The following CLDN18 variants were observed in gnomAD, a reference collection of about 807,000 sequenced individuals.
CLDN18 encodes the protein claudin-18.
A neutral mutation model predicts 25.0 loss-of-function variants in CLDN18; 20 were observed. That is an observed-to-expected ratio of 0.80 (90% CI 0.56 to 1.16). CLDN18 has a LOEUF of 1.16. Ranked by LOEUF, CLDN18 falls within the 50% of genes most tolerant of loss-of-function variation. The probability of loss-of-function intolerance (pLI) is 0.00; values close to 1 mark genes in which losing one functional copy is unlikely to be tolerated. For synonymous variants in CLDN18, 125 were observed against 135.6 expected, an observed-to-expected ratio of 0.92 and a Z score of 0.54; for missense variants, 297 against 345.4, an observed-to-expected ratio of 0.86 and a Z score of 1.11.
chr3:138,021,124 T>C (rs1017267648), intron 1 of CLDN18, among the ~76,000 whole-genome samples: 1 of 152,216 alleles, frequency 6.6e-6, no homozygotes, highest in Non-Finnish European at 1.5e-5. Flanking sequence ...AATTCCTTAC[T>C]AGCTTTCACT....
intron 1 of CLDN18, chr3:137,999,113 T>A (rs1284541858): frequency 1.2e-6 from 2 of 1,602,690 alleles, no homozygotes; most frequent in Non-Finnish European, 1.7e-6. Flanking sequence ...TCTGGCTGGC[T>A]GGAGGGAGAG....
At chr3:138,020,510 C>G (rs1292694893) in intron 1 of CLDN18, among the ~76,000 whole-genome samples, 2 of 152,054 alleles carry the variant, frequency 1.3e-5, no homozygotes. Flanking sequence ...TCTCCTTTTT[C>G]AAAATTTCTC....
rs756927400 is a variant in CLDN18, at chr3:138,031,163, G to C, written c.*22G>C. The C allele has an allele frequency of 2.6e-6, 4 of 1,568,050 alleles. No individual in the cohort carries two copies. The highest frequency in any genetic ancestry group is 2.4e-5 in the South Asian group (2 of 84,742). ...GTAATGCTCTAAGACCTCTCAGCAC[G>C]GGCGGAAGAAACTCCCGGAGAGCTC... On this transcript the variant is annotated 3_prime_UTR_variant, in exon 5 of 5. Coordinates refer to ENST00000183605, the MANE Select transcript of CLDN18 (RefSeq NM_016369.4).
At position 138,031,354 on chromosome 3, in the gene CLDN18, G is replaced by C. The variant is rs75363623; in HGVS notation, c.*213G>C. On this transcript the variant is annotated 3_prime_UTR_variant, in exon 5 of 5. Coordinates refer to ENST00000183605, the MANE Select transcript of CLDN18 (RefSeq NM_016369.4). ...ACAGCTGAGTTATTTATGAATTAGA[G>C]GCTATAGCTCACATTTTCAATCCTC... 1 of 408,460 alleles carries C rather than the reference G, an allele frequency of 2.4e-6. No homozygotes were observed. Among genetic ancestry groups the C allele is most frequent in the African/African-American group, 2.0e-5 (1 of 49,236 alleles). 25.3% of individuals were successfully genotyped at this position (408,460 alleles called of 1,614,324 possible). A position where few individuals can be genotyped will look rare whatever the true frequency, so the allele number is the denominator to read the frequency against.
intron 1 of CLDN18, among the ~76,000 whole-genome samples, chr3:138,012,259 T>C (rs1377940410): frequency 2.0e-5 from 3 of 152,198 alleles, no homozygotes; most frequent in Admixed American, 2.0e-4. Context: ...ATCCTTCATC[T>C]CTATAGAATG....
rs763856935 is a variant in CLDN18, at chr3:138,010,355, T to TTCCA, written c.131_134dup (p.Gln45HisfsTer103). The TTCCA allele has an allele frequency of 6.2e-7, 1 of 1,614,242 alleles. No homozygotes were observed. Among genetic ancestry groups the TTCCA allele is most frequent in the Non-Finnish European group, 8.5e-7 (1 of 1,180,044 alleles). On this transcript the variant is annotated frameshift_variant, in exon 1 of 5. Coordinates refer to ENST00000183605, the MANE Select transcript of CLDN18 (RefSeq NM_016369.4). LOFTEE classifies it high-confidence loss of function. ...GTACGACAACCCCGTCACCTCCGTG[T>TTCCA]TCCAGTACGAAGGGCTCTGGAGGAG...
At chr3:138,024,567 T>G in intron 2 of CLDN18, 40 bp from the exon 3 acceptor site, 3 of 1,276,458 alleles carry the variant, frequency 2.4e-6, no homozygotes, top group Middle Eastern at 1.8e-4. Flanking sequence ...TTGTAATCCC[T>G]TGAAACTAAC....
chr3:138,008,764 A>G (rs1942096094), upstream of CLDN18, among the ~76,000 whole-genome samples: 2 of 151,822 alleles, frequency 1.3e-5, no homozygotes, highest in Admixed American at 1.3e-4. Flanking sequence ...TGTCTCTACT[A>G]AAAACATAAA....
chr3:138,018,795 G>T (rs1262600482), intron 1 of CLDN18, among the ~76,000 whole-genome samples: 1 of 152,200 alleles, frequency 6.6e-6, no homozygotes, highest in East Asian at 1.9e-4. Flanking sequence ...GGTCAATGAG[G>T]ATAGAAACCC....
At chr3:138,019,682 A>T (rs150622123) in intron 1 of CLDN18, among the ~76,000 whole-genome samples, 32 of 152,292 alleles carry the variant, frequency 2.1e-4, no homozygotes, top group Non-Finnish European at 3.8e-4. Context: ...ATCTCTGGGG[A>T]TGAGAACAAA....
chr3:138,013,719 T>A (rs1559805035), intron 1 of CLDN18, among the ~76,000 whole-genome samples: 1 of 152,226 alleles, frequency 6.6e-6, no homozygotes, highest in Non-Finnish European at 1.5e-5. Flanking sequence ...TAATTTCAGT[T>A]CTGCCAGACA....
In CLDN18 at chr3:138,001,656, C is replaced by T. The variant is rs534970928; in HGVS notation, c.220+2568C>T. On this transcript the variant is annotated intron_variant, in intron 1 of 4. Coordinates refer to the CLDN18 transcript ENST00000343735. ...TATGCCTTCTCTTAAAACGTGTGTG[C>T]GCATGTGTGTGTGTAAAATAAAACT... Among the ~76,000 whole-genome samples the T allele has an allele frequency of 5.9e-5, 9 of 152,034 alleles. No individual in the cohort carries two copies. In the South Asian group the frequency reaches 6.3e-4, roughly 11 times the overall value.
At chr3:138,015,177 G>A (rs1018496503) in intron 1 of CLDN18, among the ~76,000 whole-genome samples, 1 of 152,088 alleles carries the variant, frequency 6.6e-6, no homozygotes, top group South Asian at 2.1e-4. Context: ...AAGAGTGTAA[G>A]AATGGGCAGG....
rs1942127834 is a variant in CLDN18 at position 138,010,699 on chromosome 3, G to A, written c.220+254G>A. Among the ~76,000 whole-genome samples the A allele has an allele frequency of 2.0e-5, 3 of 152,362 alleles. No homozygotes were observed. The Middle Eastern group carries it at 0.01, about 518-fold the overall frequency. On this transcript the variant is annotated intron_variant, in intron 1 of 4. Coordinates refer to ENST00000183605, the MANE Select transcript of CLDN18 (RefSeq NM_016369.4). ...AGGCCTCAAGAAGAATGGGTCTATT[G>A]TAAGGGTATGTTCATGATACCTGGA... is the stretch of plus-strand genomic sequence containing the variant.
At chr3:138,009,210 T>G (rs1317857057), upstream of CLDN18, among the ~76,000 whole-genome samples, 1 of 152,194 alleles carries the variant, frequency 6.6e-6, no homozygotes. Context: ...CTACAAGGGC[T>G]TAGGAGTTTG....
At chr3:138,029,580 C>T (rs866348459) in intron 3 of CLDN18, among the ~76,000 whole-genome samples, 1 of 152,076 alleles carries the variant, frequency 6.6e-6, no homozygotes, top group Non-Finnish European at 1.5e-5. Context: ...TGCTAGAATC[C>T]CCCTGCTGTT....
chr3:137,999,265 G>A (rs1941990074), intron 1 of CLDN18, among the ~76,000 whole-genome samples: 1 of 152,216 alleles, frequency 6.6e-6, no homozygotes, highest in Admixed American at 6.5e-5. Context: ...ACCTTAGGGA[G>A]AGGAAGTTTC....
At chr3:138,010,784 T>TCC (rs1321642646) in intron 1 of CLDN18, among the ~76,000 whole-genome samples, 1 of 152,240 alleles carries the variant, frequency 6.6e-6, no homozygotes, top group East Asian at 1.9e-4. Flanking sequence ...TGTGGCTTGC[T>TCC]CCTGCCTGCA....
intron 1 of CLDN18, chr3:138,004,545 T>C (rs1942048659): frequency 6.6e-6 from 1 of 152,134 alleles, no homozygotes; most frequent in South Asian, 2.1e-4. Flanking sequence ...GTTAAAAGTA[T>C]GCTTTGGCAT....
Sources: gnomAD v4.1 joint callset for allele counts (sites outside exome capture counted in the v4.1 genomes callset) on GRCh38, gnomAD v4.1.1 for gene constraint, MANE v1.5 for transcripts, NCBI Gene and HGNC (gene_info 2026-07-23, HGNC 2026-07-21) for gene names.